The following RASGRP3 variants were observed in gnomAD, a reference collection of about 807,000 sequenced individuals.
RASGRP3 encodes RAS guanyl releasing protein 3, also known as ras guanyl-releasing protein 3.
A neutral mutation model predicts 82.7 loss-of-function variants in RASGRP3; 54 were observed. That is an observed-to-expected ratio of 0.65 (90% confidence interval 0.52 to 0.82). RASGRP3 has a LOEUF of 0.82. Ranked by LOEUF, RASGRP3 falls within the 40% of genes least tolerant of loss-of-function variation. The pLI is 0.00. For missense variants in RASGRP3, 861 were observed against 828.9 expected (o/e 1.04, Z -0.48); for synonymous variants, 309 against 300.5 (o/e 1.03, Z -0.29).
At chr2:33,561,374 T>TA (rs1676634858) in intron 17 of RASGRP3, among the ~76,000 whole-genome samples, 1 of 152,192 alleles carries the variant, frequency 6.6e-6, no homozygotes, top group Admixed American at 6.5e-5. Context: ...GCTGTGTTTT[T>TA]ATCTCTTAAA....
In RASGRP3 at chr2:33,558,582, C is replaced by T. The variant is rs915420095; in HGVS notation, c.1706-90C>T. The T allele has an allele frequency of 4.3e-5, 53 of 1,229,652 alleles. 1 individual carries two copies. In the South Asian group the frequency reaches 7.6e-4, roughly 18 times the overall value. 76.2% of individuals were successfully genotyped at this position (1,229,652 alleles called of 1,614,324 possible). A position where few individuals can be genotyped will look rare whatever the true frequency, so the allele number is the denominator to read the frequency against. ...CCTTGTCGGTTCCTCTAGAATGTTG[C>T]ATGCCAGACTCGTGCTGTTTGCACT... On this transcript the variant is annotated intron_variant, in intron 16 of 17. Coordinates refer to ENST00000403687, the MANE Select transcript of RASGRP3 (RefSeq NM_001139488.2).
chr2:33,464,258 A>T (rs1435570361), intron 2 of RASGRP3, among the ~76,000 whole-genome samples: 1 of 149,406 alleles, frequency 6.7e-6, no homozygotes, highest in African/African-American at 2.5e-5. Context: ...AGCTGGGATT[A>T]TAGGGACATG....
chr2:33,518,248 C>A (rs188114037), intron 4 of RASGRP3, among the ~76,000 whole-genome samples: 1 of 152,200 alleles, frequency 6.6e-6, no homozygotes, highest in Non-Finnish European at 1.5e-5. Context: ...GACTACAAAC[C>A]TGTACAGCAT....
At chr2:33,488,267 A>C (rs1364037926) in intron 1 of RASGRP3, among the ~76,000 whole-genome samples, 1 of 152,224 alleles carries the variant, frequency 6.6e-6, no homozygotes, top group African/African-American at 2.4e-5. Flanking sequence ...TTTGAATGTA[A>C]AGAAACTGAC....
At chr2:33,505,993 T>TACA (rs1312206508) in intron 1 of RASGRP3, among the ~76,000 whole-genome samples, 8 of 152,224 alleles carry the variant, frequency 5.3e-5, no homozygotes, top group African/African-American at 1.9e-4. Context: ...TATGTTGGTT[T>TACA]GGTTGCCAAT....
intron 2 of RASGRP3, among the ~76,000 whole-genome samples, chr2:33,462,717 C>T (rs568933027): frequency 3.9e-5 from 6 of 152,222 alleles, no homozygotes; most frequent in Admixed American, 2.0e-4. Flanking sequence ...GTGATTCTCA[C>T]GAAGATCAAA....
Position 33,459,084 on chromosome 2 carries a change from T to C in RASGRP3, c.-261+11141T>C, listed in dbSNP as rs1198305297. 2.0e-5 allele frequency among the ~76,000 whole-genome samples: 3 copies of C among 152,200 alleles called. No individual in the cohort carries two copies. In the East Asian group the frequency reaches 5.8e-4, roughly 29 times the overall value. On this transcript the variant is annotated intron_variant, in intron 2 of 18. Transcript: ENST00000402538. The stretch of plus-strand genomic sequence containing the variant: ...TGGGATATAATGCTGAAATAAATTT[T>C]AATGCCTCTCATATTACAATCTTGA...
chr2:33,519,802 A>G, intron 4 of RASGRP3, 150 bp from the exon 5 acceptor site: 1 of 578,736 alleles, frequency 1.7e-6, no homozygotes, highest in Admixed American at 3.3e-5. Flanking sequence ...TCAGTGTGGA[A>G]GTCATCAGAG....
chr2:33,498,413 A>G (rs966463651), intron 1 of RASGRP3, among the ~76,000 whole-genome samples: 10 of 152,186 alleles, frequency 6.6e-5, no homozygotes, highest in African/African-American at 9.7e-5. Flanking sequence ...TTACCATTAC[A>G]TTGTACTTAG....
chr2:33,454,396 G>A (rs998790442), intron 2 of RASGRP3, among the ~76,000 whole-genome samples: 1 of 152,200 alleles, frequency 6.6e-6, no homozygotes, highest in African/African-American at 2.4e-5. Context: ...TAAATATAGA[G>A]CATAAGACTG....
chr2:33,562,267 CTTTTTT>C (rs71409631), intron 17 of RASGRP3, among the ~76,000 whole-genome samples: 5 of 127,036 alleles, frequency 3.9e-5, no homozygotes, highest in East Asian at 2.3e-4. Flanking sequence ...ATCTCTCTCT[CTTTTTT>C]TTTTTTTTTT....
chr2:33,527,477 A>G (rs1276078666), intron 10 of RASGRP3, 65 bp downstream of exon 10: 5 of 1,476,036 alleles, frequency 3.4e-6, no homozygotes, highest in Non-Finnish European at 4.6e-6. Context: ...CAGGAGACAC[A>G]GGAAGATGTG....
chr2:33,527,070 T>C, intron 9 of RASGRP3, 67 bp from the exon 10 acceptor site: 2 of 1,530,404 alleles, frequency 1.3e-6, no homozygotes, highest in South Asian at 2.5e-5. Context: ...TAGCCACACA[T>C]TGCAGGGCCC....
chr2:33,488,339 T>C (rs969200044), intron 1 of RASGRP3, among the ~76,000 whole-genome samples: 1 of 152,244 alleles, frequency 6.6e-6, no homozygotes, highest in Non-Finnish European at 1.5e-5. Context: ...AAATTACTTC[T>C]AATAGTTTCT....
intron 1 of RASGRP3, among the ~76,000 whole-genome samples, chr2:33,480,947 A>G (rs1056650847): frequency 1.3e-5 from 2 of 152,184 alleles, no homozygotes; most frequent in Admixed American, 6.5e-5. Context: ...CTGCATTTAT[A>G]TATGCCGGCA....
chr2:33,561,987 G>C (rs1676712007), intron 17 of RASGRP3, among the ~76,000 whole-genome samples: 1 of 152,058 alleles, frequency 6.6e-6, no homozygotes, highest in South Asian at 2.1e-4. Context: ...ATCATAAAAG[G>C]GTTGGGAAAT....
intron 10 of RASGRP3, among the ~76,000 whole-genome samples, chr2:33,529,486 T>TAAAAAAAAAAAAAAAAAAAAA (rs1558491469): frequency 6.6e-4 from 4 of 6,082 alleles, no homozygotes; most frequent in African/African-American, 4.5e-3. Context: ...AGACTCCATC[T>TAAAAAAAAAAAAAAAAAAAAA]CAAAAAAAAA....
At chr2:33,531,072 A>G (rs1673069945) in intron 10 of RASGRP3, 1 of 152,232 alleles carries the variant, frequency 6.6e-6, no homozygotes. Context: ...AAAAAAGAAG[A>G]AGAAGAATAA....
intron 2 of RASGRP3, among the ~76,000 whole-genome samples, chr2:33,457,096 C>A (rs147217163): frequency 3.9e-5 from 6 of 152,078 alleles, no homozygotes; most frequent in Admixed American, 2.6e-4. Context: ...GTCTCAAACT[C>A]CTGGCCTCAA....
Sources: allele counts gnomAD v4.1 joint callset (sites outside exome capture counted in the v4.1 genomes callset), GRCh38; gene constraint gnomAD v4.1.1; transcripts MANE v1.5; gene names NCBI Gene and HGNC (gene_info 2026-07-23, HGNC 2026-07-21).